Variants in SH3GLB1 observed in about 807,000 individuals in gnomAD.
The protein encoded by SH3GLB1 is endophilin-B1.
Under a neutral mutation model 42.0 loss-of-function variants are expected in SH3GLB1, and 17 were observed. That is an observed-to-expected ratio of 0.40 (90% CI 0.28 to 0.61). SH3GLB1 has a LOEUF of 0.61. Ranked by LOEUF, SH3GLB1 falls within the 20% of genes least tolerant of loss-of-function variation. The pLI is 0.36. For synonymous variants in SH3GLB1, 132 were observed against 146.6 expected, an observed-to-expected ratio of 0.90 and a Z score of 0.72; for missense variants, 355 against 426.3, an observed-to-expected ratio of 0.83 and a Z score of 1.47.
At chr1:86,718,165 G>A (rs372741418) in intron 2 of SH3GLB1, among the ~76,000 whole-genome samples, 1 of 151,558 alleles carries the variant, frequency 6.6e-6, no homozygotes, top group Admixed American at 6.6e-5. Context: ...TCAGCTTCCC[G>A]AGTAGTTGGG....
chr1:86,713,624 C>T (rs1654340012), intron 1 of SH3GLB1, among the ~76,000 whole-genome samples: 1 of 152,116 alleles, frequency 6.6e-6, no homozygotes, highest in Non-Finnish European at 1.5e-5. Context: ...CTCAGAGATG[C>T]TGTTTCTCTA....
At chr1:86,720,175 T>C (rs189382323) in intron 3 of SH3GLB1, among the ~76,000 whole-genome samples, 1 of 152,254 alleles carries the variant, frequency 6.6e-6, no homozygotes, top group East Asian at 1.9e-4. Flanking sequence ...TTCTAAAAAG[T>C]TTAATGAATT....
Position 86,743,112 on chromosome 1 carries a change from G to A in SH3GLB1, c.991-16G>A, listed in dbSNP as rs773033960. The A allele has an allele frequency of 2.5e-6, 4 of 1,583,568 alleles. No homozygotes were observed. The highest frequency in any genetic ancestry group is 2.7e-5 in the African/African-American group (2 of 73,990). On this transcript the variant is annotated splice_polypyrimidine_tract_variant and intron_variant, in intron 8 of 8. Coordinates refer to ENST00000370558, the MANE Select transcript of SH3GLB1 (RefSeq NM_016009.5). ...TTTTTAATGTAGTTAATAACTGGAA[G>A]TATTTTATTTTGCAGGTGATCACTG...
intron 1 of SH3GLB1, among the ~76,000 whole-genome samples, chr1:86,709,525 T>C (rs551342694): frequency 1.0e-3 from 154 of 152,334 alleles, no homozygotes; most frequent in African/African-American, 3.6e-3. Context: ...GTCATAAATC[T>C]TATTTGTACT....
At chr1:86,711,631 C>A (rs533820005) in intron 1 of SH3GLB1, among the ~76,000 whole-genome samples, 5 of 151,788 alleles carry the variant, frequency 3.3e-5, no homozygotes, top group Non-Finnish European at 7.4e-5. Flanking sequence ...TCATTAATAC[C>A]TATTATCAAG....
chr1:86,739,750 G>A (rs961591913), intron 7 of SH3GLB1, among the ~76,000 whole-genome samples: 1 of 152,070 alleles, frequency 6.6e-6, no homozygotes, highest in Non-Finnish European at 1.5e-5. Flanking sequence ...ATGTGGGAGG[G>A]AAAGGGAAGA....
In SH3GLB1 at chr1:86,745,382, GACCT is replaced by G. The variant is rs1570308899; in HGVS notation, c.*2151_*2154del. On this transcript the variant is annotated 3_prime_UTR_variant, in exon 9 of 9. Transcript: ENST00000370558. ...CCCTTGTTAGCCCCTGTAGCATCCT[GACCT>G]ACCAAGTCTATAGGCCTTGCATATC... 6.6e-6 allele frequency: 1 copy of G among 152,132 alleles called. No individual in the cohort carries two copies. Among genetic ancestry groups the G allele is most frequent in the Admixed American group, 6.5e-5 (1 of 15,278 alleles). The allele number at this position is 152,132 out of a possible 1,614,324, so 9.4% of individuals were successfully genotyped here.
At chr1:86,727,825 A>G (rs1360807822) in intron 5 of SH3GLB1, among the ~76,000 whole-genome samples, 2 of 152,068 alleles carry the variant, frequency 1.3e-5, no homozygotes, top group Non-Finnish European at 2.9e-5. Context: ...CTTTAACATC[A>G]TATAGCAAAC....
Position 86,724,349 on chromosome 1 carries a change from T to C in SH3GLB1, c.514T>C (p.Leu172=). The part of the protein sequence containing the change: ...RKLLQNKRLD[L]DAAKTRLKKA... ...ACTATTGCAAAATAAGAGACTGGAT[T>C]TGGATGCTGCAAAAACGAGACTAAA... Residue 172 remains leucine, a synonymous_variant, in exon 5 of 9, where the codon TTG becomes CTG. Coordinates refer to ENST00000370558, the MANE Select transcript of SH3GLB1 (RefSeq NM_016009.5). The C allele has an allele frequency of 6.2e-7, 1 of 1,603,774 alleles. No homozygotes were observed. Among genetic ancestry groups the C allele is most frequent in the Non-Finnish European group, 8.5e-7 (1 of 1,177,134 alleles).
rs1656276042 is a variant in SH3GLB1, at chr1:86,745,861, C to T, written c.*2626C>T. On this transcript the variant is annotated 3_prime_UTR_variant, in exon 9 of 9. Coordinates refer to ENST00000370558, the MANE Select transcript of SH3GLB1 (RefSeq NM_016009.5). ...AGAATTGTTTAAATAAGCTCTGTGC[C>T]ACTGAGCTTAATCTGAAAGTATAGT... 1 of 152,308 alleles carries T rather than the reference C, an allele frequency of 6.6e-6. No individual in the cohort carries two copies. Among genetic ancestry groups the T allele is most frequent in the African/African-American group, 2.4e-5 (1 of 41,348 alleles). 9.4% of individuals were successfully genotyped at this position (152,308 alleles called of 1,614,324 possible). A position where few individuals can be genotyped will look rare whatever the true frequency, so the allele number is the denominator to read the frequency against.
At chr1:86,740,454 T>C (rs1656002142) in intron 7 of SH3GLB1, among the ~76,000 whole-genome samples, 1 of 152,232 alleles carries the variant, frequency 6.6e-6, no homozygotes, top group South Asian at 2.1e-4. Flanking sequence ...AAATAGGTTT[T>C]TACCAAATCA....
chr1:86,724,278 C>G lies in SH3GLB1; in HGVS notation c.478-35C>G. 2.8e-6 allele frequency: 4 copies of G among 1,448,372 alleles called. No homozygotes were observed. The South Asian group carries it at 5.2e-5, about 19-fold the overall frequency. The allele number at this position is 1,448,372 out of a possible 1,614,324, so 89.7% of individuals were successfully genotyped here. On this transcript the variant is annotated intron_variant, in intron 4 of 8. Transcript: ENST00000370558. Reference sequence around the variant, plus strand: ...TATGCTCTTAACAGAATTTTAGCATCTTTAGCCCTTATTTTTTCTTTTCTA... The same window carrying G: ...TATGCTCTTAACAGAATTTTAGCATGTTTAGCCCTTATTTTTTCTTTTCTA...
At chr1:86,735,879 T>A (rs1655756373) in intron 7 of SH3GLB1, among the ~76,000 whole-genome samples, 2 of 152,224 alleles carry the variant, frequency 1.3e-5, no homozygotes, top group South Asian at 4.1e-4. Flanking sequence ...AGCAAGCCGT[T>A]GGTAGACAGG....
chr1:86,736,664 A>G (rs1478635750), intron 7 of SH3GLB1, among the ~76,000 whole-genome samples: 6 of 152,180 alleles, frequency 3.9e-5, no homozygotes, highest in Non-Finnish European at 5.9e-5. Flanking sequence ...GGACTTGGCC[A>G]TTTAAACAAA....
At position 86,742,292 on chromosome 1, in the gene SH3GLB1, T is replaced by C. The variant is rs775010304; in HGVS notation, c.846T>C (p.Ser282=). ...TTTTACCAAATGCGATTGGTTCTTC[T>C]GCCATGGCTTCAACAAGTGGCCTAG... ...PSVLPNAIGS[S]AMASTSGLVI... The change falls in exon 8 of 9, where the codon TCT becomes TCC. Residue 282 remains serine, a synonymous_variant. Coordinates refer to ENST00000370558, the MANE Select transcript of SH3GLB1 (RefSeq NM_016009.5). 1.5e-5 allele frequency: 25 copies of C among 1,614,188 alleles called. 1 individual carries two copies. The South Asian group carries it at 2.4e-4, about 16-fold the overall frequency.
chr1:86,736,603 G>A (rs543304808), intron 7 of SH3GLB1, among the ~76,000 whole-genome samples: 18 of 152,238 alleles, frequency 1.2e-4, no homozygotes, highest in African/African-American at 3.6e-4. Context: ...CTGGAAGTGC[G>A]GCATAGGGGT....
chr1:86,743,144 G>A lies in SH3GLB1; in HGVS notation c.1007G>A (p.Ser336Asn). ...ATTTTGCAGGTGATCACTGTGTTCA[G>A]TGTTGTTGGAATGGATTCAGACTGG... ...LLADEVITVF[S>N]VVGMDSDWLM... Residue 336 changes from serine to asparagine, a missense_variant, in exon 9 of 9, where the codon AGT becomes AAT. Coordinates refer to ENST00000370558, the MANE Select transcript of SH3GLB1 (RefSeq NM_016009.5). 6.2e-7 allele frequency: 1 copy of A among 1,612,506 alleles called. No individual in the cohort carries two copies. Among genetic ancestry groups the A allele is most frequent in the Non-Finnish European group, 8.5e-7 (1 of 1,179,640 alleles).
intron 5 of SH3GLB1, chr1:86,728,458 T>C: frequency 6.4e-7 from 1 of 1,553,718 alleles, no homozygotes; most frequent in Non-Finnish European, 8.7e-7. Context: ...TTCTCTTACA[T>C]GCTCAACTTC....
intron 5 of SH3GLB1, among the ~76,000 whole-genome samples, chr1:86,724,880 A>ATATATATATATATATATATATAT (rs1284567743): frequency 8.7e-5 from 9 of 103,866 alleles, no homozygotes; most frequent in African/African-American, 1.1e-4. Flanking sequence ...TCTTTAAAAA[A>ATATATATATATATATATATATAT]AAAAAAAAAA....
Sources: gnomAD v4.1 joint callset for allele counts (sites outside exome capture counted in the v4.1 genomes callset) on GRCh38, gnomAD v4.1.1 for gene constraint, MANE v1.5 for transcripts, NCBI Gene and HGNC (gene_info 2026-07-23, HGNC 2026-07-21) for gene names.